CHD7: variants seen among roughly 807,000 people sequenced by gnomAD.
CHD7 encodes the protein chromodomain helicase DNA binding protein 7.
Under a neutral mutation model 307.3 loss-of-function variants are expected in CHD7, and 24 were observed. The ratio of observed to expected loss-of-function variants is 0.08; its 90% CI spans 0.06 to 0.11. The LOEUF (loss-of-function observed/expected upper bound fraction) is 0.11. CHD7 is among the 10% of genes least tolerant of loss of function. The pLI is 1.00. For synonymous variants in CHD7, 1,363 were observed against 1,349.9 expected (o/e 1.01, Z -0.21); for missense variants, 3,106 against 3,727.1 (o/e 0.83, Z 4.34).
At chr8:60,821,141 G>A (rs183167491) in intron 9 of CHD7, among the ~76,000 whole-genome samples, 241 of 152,138 alleles carry the variant, frequency 1.6e-3, no homozygotes, top group Non-Finnish European at 2.8e-3. Context: ...AAATTTAAGC[G>A]TATGTCTCAT....
intron 1 of CHD7, among the ~76,000 whole-genome samples, chr8:60,720,262 G>A (rs1807831002): frequency 6.6e-6 from 1 of 152,160 alleles, no homozygotes; most frequent in Non-Finnish European, 1.5e-5. Flanking sequence ...AAGATCATCA[G>A]CCTTTTATGT....
chr8:60,768,846 C>G (rs902342227), intron 2 of CHD7, among the ~76,000 whole-genome samples: 1 of 151,090 alleles, frequency 6.6e-6, no homozygotes, highest in Non-Finnish European at 1.5e-5. Context: ...AAAAAAAAAC[C>G]TGCACTCCTT....
intron 3 of CHD7, among the ~76,000 whole-genome samples, chr8:60,791,639 C>G (rs944801854): frequency 5.9e-5 from 9 of 152,192 alleles, no homozygotes; most frequent in Admixed American, 5.9e-4. Flanking sequence ...CATGTGGACT[C>G]TATGTCCTTT....
Position 60,678,846 on chromosome 8 carries a change from G to C in CHD7, c.-411G>C, listed in dbSNP as rs1033240648. The stretch of plus-strand genomic sequence containing the variant: ...GAGTCGTGGTGGTGCGGACGCGCTC[G>C]TGCTCGGGAACTATCGGATTAAACT... On this transcript the variant is annotated 5_prime_UTR_variant, in exon 1 of 38. Coordinates refer to ENST00000423902, the MANE Select transcript of CHD7 (RefSeq NM_017780.4). The C allele has an allele frequency of 1.3e-5, 2 of 149,338 alleles. No individual in the cohort carries two copies. Among genetic ancestry groups the C allele is most frequent in the Non-Finnish European group, 3.0e-5 (2 of 67,244 alleles). The allele number at this position is 149,338 out of a possible 1,614,324, so 9.3% of individuals were successfully genotyped here.
chr8:60,714,948 A>C (rs942910412), intron 1 of CHD7, among the ~76,000 whole-genome samples: 2 of 152,256 alleles, frequency 1.3e-5, no homozygotes, highest in African/African-American at 4.8e-5. Context: ...CGCAGGCGCC[A>C]TAGTGGGGAG....
chr8:60,685,680 T>C (rs1805848289), intron 1 of CHD7, among the ~76,000 whole-genome samples: 1 of 152,216 alleles, frequency 6.6e-6, no homozygotes, highest in African/African-American at 2.4e-5. Context: ...ACCTGGTTTT[T>C]AGTGGAGTAT....
Position 60,862,244 on chromosome 8 carries a change from C to G in CHD7, c.7879C>G (p.Arg2627Gly). 1 of 1,611,554 alleles carries G rather than the reference C, an allele frequency of 6.2e-7. No individual in the cohort carries two copies. The highest frequency in any genetic ancestry group is 8.5e-7 in the Non-Finnish European group (1 of 1,178,656). The change falls in exon 36 of 38, where the codon CGA (arginine) becomes GGA (glycine). Residue 2627 changes from arginine to glycine, a missense_variant. By Grantham distance (125) the Arg-to-Gly change is moderately radical (BLOSUM62 -2). Coordinates refer to ENST00000423902, the MANE Select transcript of CHD7 (RefSeq NM_017780.4). ...CTCATTTCAGAAACCGAAACAGAAA[C>G]GACATAGATGTCGAAACCCTAATAA... The part of the protein sequence containing the change: ...FSSFQKPKQK[R>G]HRCRNPNKLD...
Position 60,837,704 on chromosome 8 carries a change from T to A in CHD7, c.4222T>A (p.Ser1408Thr). The change falls in exon 18 of 38, where the codon TCT (serine) becomes ACT (threonine). Residue 1408 changes from serine to threonine, a missense_variant. Transcript: ENST00000423902. ...ARCHRIGQSK[S>T]VKIYRLITRN... ...ATGTCATAGAATAGGACAGAGCAAA[T>A]CTGTGAAAATCTACAGGCTGATTAC... is the stretch of plus-strand genomic sequence containing the variant. 6.3e-7 allele frequency: 1 copy of A among 1,592,116 alleles called. No individual in the cohort carries two copies. Among genetic ancestry groups the A allele is most frequent in the Non-Finnish European group, 8.6e-7 (1 of 1,168,462 alleles).
At chr8:60,769,238 A>G (rs1231798872) in intron 2 of CHD7, among the ~76,000 whole-genome samples, 1 of 152,244 alleles carries the variant, frequency 6.6e-6, no homozygotes, top group African/African-American at 2.4e-5. Context: ...GAAACAGCTC[A>G]GTTCAGAGGG....
In CHD7 at chr8:60,832,333, T is replaced by G. The variant is rs543322578; in HGVS notation, c.3778+1756T>G. On this transcript the variant is annotated intron_variant, in intron 15 of 37. Transcript: ENST00000423902. ...AGCCACTGCACCTGGCCAGTGAATT[T>G]CTTTTTGTGCTTTTAGTTTTGTCTT... 2.8e-4 allele frequency among the ~76,000 whole-genome samples: 42 copies of G among 152,284 alleles called. 1 individual carries two copies. Among genetic ancestry groups the G allele is most frequent in the Admixed American group, 2.4e-3 (37 of 15,298 alleles).
At chr8:60,739,095 A>T (rs1411508921) in intron 1 of CHD7, among the ~76,000 whole-genome samples, 1 of 152,186 alleles carries the variant, frequency 6.6e-6, no homozygotes, top group East Asian at 1.9e-4. Context: ...TTGCAAGAGA[A>T]GGTCACCAGT....
chr8:60,837,578 A>G (rs1586419152), intron 17 of CHD7, 90 bp from the exon 18 acceptor site: 1 of 1,177,324 alleles, frequency 8.5e-7, no homozygotes, highest in African/African-American at 1.5e-5. Context: ...ATACCATCAC[A>G]TTGGAATGAG....
rs369022487 is a variant in CHD7, at chr8:60,821,597, CACAT to C, written c.2698-187_2698-184del. 1.3e-4 allele frequency among the ~76,000 whole-genome samples: 19 copies of C among 150,556 alleles called. No homozygotes were observed. The East Asian group carries it at 2.1e-3, about 17-fold the overall frequency. On this transcript the variant is annotated intron_variant, in intron 9 of 37. Coordinates refer to ENST00000423902, the MANE Select transcript of CHD7 (RefSeq NM_017780.4). ...ATGTGTATGTATAAGCATATATACA[CACAT>C]ACATATGTATAAACATATATATACA...
chr8:60,743,333 AGCTGGGTCACC>A, intron 2 of CHD7, among the ~76,000 whole-genome samples: 1 of 152,348 alleles, frequency 6.6e-6, no homozygotes, highest in Middle Eastern at 3.4e-3. Context: ...GCTGACAAGG[AGCTGGGTCACC>A]GCTAGCAGGG....
intron 1 of CHD7, among the ~76,000 whole-genome samples, chr8:60,688,543 C>A (rs1216472607): frequency 6.6e-6 from 1 of 152,120 alleles, no homozygotes; most frequent in Non-Finnish European, 1.5e-5. Flanking sequence ...ATCTTTATGT[C>A]CTTTGTCCAT....
At chr8:60,776,448 G>A (rs1302495174) in intron 2 of CHD7, among the ~76,000 whole-genome samples, 2 of 152,182 alleles carry the variant, frequency 1.3e-5, no homozygotes, top group Non-Finnish European at 2.9e-5. Context: ...TGCTTGTGAA[G>A]CATTTGCATG....
chr8:60,808,137 C>T (rs1381640527), intron 6 of CHD7, 80 bp from the exon 7 acceptor site: 2 of 942,544 alleles, frequency 2.1e-6, no homozygotes, highest in Non-Finnish European at 3.3e-6. Flanking sequence ...ATTTTGTGCT[C>T]ATATGGGAGT....
At chr8:60,767,598 C>T (rs1810531628) in intron 2 of CHD7, among the ~76,000 whole-genome samples, 2 of 152,204 alleles carry the variant, frequency 1.3e-5, no homozygotes, top group South Asian at 2.1e-4. Flanking sequence ...GCCACATGCT[C>T]AGCTGTGCTG....
chr8:60,722,324 G>A (rs921362193), intron 1 of CHD7, among the ~76,000 whole-genome samples: 13 of 152,106 alleles, frequency 8.5e-5, no homozygotes, highest in African/African-American at 3.1e-4. Flanking sequence ...GTACGATTGT[G>A]GTCATGCTTT....
Sources: allele counts gnomAD v4.1 joint callset (sites outside exome capture counted in the v4.1 genomes callset), GRCh38; gene constraint gnomAD v4.1.1; transcripts MANE v1.5; gene names NCBI Gene and HGNC (gene_info 2026-07-23, HGNC 2026-07-21).